Variants in CELF4 observed in about 807,000 individuals in gnomAD.
CELF4 encodes CUG-BP- and ETR-3-like factor 4.
CELF4 carries 18 observed loss-of-function variants against 59.9 expected under a neutral mutation model. The ratio of observed to expected loss-of-function variants is 0.30; its 90% CI spans 0.21 to 0.45. CELF4 has a LOEUF of 0.45. Ranked by LOEUF, CELF4 falls within the 20% of genes least tolerant of loss-of-function variation. The pLI is 1.00. For missense variants in CELF4, 456 were observed against 689.0 expected (o/e 0.66, Z 3.79); for synonymous variants, 261 against 267.1 (o/e 0.98, Z 0.22).
At chr18:37,304,776 A>G (rs866288539) in intron 3 of CELF4, among the ~76,000 whole-genome samples, 19 of 152,242 alleles carry the variant, frequency 1.2e-4, no homozygotes, top group Admixed American at 8.5e-4. Context: ...CGGGGGAAGT[A>G]GAAGCGGAGC....
intron 1 of CELF4, among the ~76,000 whole-genome samples, chr18:37,524,231 G>A (rs1234877035): frequency 1.3e-5 from 2 of 152,248 alleles, no homozygotes; most frequent in Non-Finnish European, 2.9e-5. Context: ...ACCTCGGGGA[G>A]GGAAGGCAGG....
At chr18:37,288,425 C>T (rs1039639991) in intron 3 of CELF4, among the ~76,000 whole-genome samples, 4 of 152,224 alleles carry the variant, frequency 2.6e-5, no homozygotes, top group African/African-American at 9.6e-5. Context: ...GCAGCACACA[C>T]CATGGGCCAA....
chr18:37,353,532 G>A (rs2098503505), intron 2 of CELF4, among the ~76,000 whole-genome samples: 1 of 151,076 alleles, frequency 6.6e-6, no homozygotes, highest in Non-Finnish European at 1.5e-5. Context: ...CATGGGGGAA[G>A]AACTGTGGGG....
intron 3 of CELF4, among the ~76,000 whole-genome samples, chr18:37,310,953 G>A (rs1302609770): frequency 1.3e-5 from 2 of 152,194 alleles, no homozygotes; most frequent in Non-Finnish European, 2.9e-5. Context: ...GATGGGACAC[G>A]AGAAGGCCGT....
chr18:37,358,140 G>C (rs2098633595), intron 2 of CELF4, among the ~76,000 whole-genome samples: 1 of 152,142 alleles, frequency 6.6e-6, no homozygotes, highest in African/African-American at 2.4e-5. Flanking sequence ...GGGGTGGAAT[G>C]ATATGGTTTG....
At chr18:37,552,616 A>G (rs1344765472) in intron 1 of CELF4, among the ~76,000 whole-genome samples, 1 of 152,260 alleles carries the variant, frequency 6.6e-6, no homozygotes, top group Non-Finnish European at 1.5e-5. Flanking sequence ...ACAAGGTCAG[A>G]ACATTCCAAG....
chr18:37,521,904 T>C (rs1448175720), intron 1 of CELF4, among the ~76,000 whole-genome samples: 1 of 152,232 alleles, frequency 6.6e-6, no homozygotes, highest in Non-Finnish European at 1.5e-5. Context: ...AGCTTCCGTC[T>C]TTATTTCTCT....
rs752571983 is a variant in CELF4, at chr18:37,485,528, G to T, written c.366C>A (p.Pro122=). The T allele has an allele frequency of 8.2e-6, 11 of 1,336,114 alleles. No homozygotes were observed. The highest frequency in any genetic ancestry group is 7.8e-6 in the Non-Finnish European group (8 of 1,028,648). The allele number at this position is 1,336,114 out of a possible 1,614,324, so 82.8% of individuals were successfully genotyped here. ...CGCCACGGCGGGCGCCACTTACCCC[G>T]GGCAGAGTCTTCTGCTCGTGCAGCG... The part of the protein sequence containing the change: ...QSALHEQKTL[P]GMNRPIQVKP... Residue 122 remains proline, a synonymous_variant, in exon 2 of 13, where the codon CCC becomes CCA. Coordinates refer to ENST00000420428, the MANE Select transcript of CELF4 (RefSeq NM_020180.4).
intron 1 of CELF4, among the ~76,000 whole-genome samples, chr18:37,505,330 G>A (rs1275945605): frequency 6.6e-6 from 1 of 152,176 alleles, no homozygotes; most frequent in African/African-American, 2.4e-5. Flanking sequence ...CTATTTTCTA[G>A]TTTTGCATCT....
chr18:37,248,211 C>T (rs2063263907), intron 12 of CELF4, among the ~76,000 whole-genome samples: 1 of 152,170 alleles, frequency 6.6e-6, no homozygotes, highest in African/African-American at 2.4e-5. Context: ...GAGCAGGGTT[C>T]ATTTTGAGAT....
intron 2 of CELF4, among the ~76,000 whole-genome samples, chr18:37,447,317 T>G (rs1302372653): frequency 1.3e-5 from 2 of 152,208 alleles, no homozygotes; most frequent in Non-Finnish European, 2.9e-5. Context: ...TGAAGCGGCT[T>G]GAGTGCATTA....
At chr18:37,401,112 G>A (rs1470760139) in intron 2 of CELF4, among the ~76,000 whole-genome samples, 2 of 152,206 alleles carry the variant, frequency 1.3e-5, no homozygotes, top group Non-Finnish European at 2.9e-5. Flanking sequence ...GCCTAGATGG[G>A]GGCCTGGACT....
intron 2 of CELF4, among the ~76,000 whole-genome samples, chr18:37,346,960 C>T (rs962888080): frequency 6.6e-6 from 1 of 151,802 alleles, no homozygotes; most frequent in Non-Finnish European, 1.5e-5. Context: ...ACCTGAGCCT[C>T]TGAGAACAGG....
chr18:37,485,609 TG>T lies in CELF4; in HGVS notation c.287-3del. ...CGCAGTAGGTGAGGAAGGCGCAGCCTGGGGAGGAAAGCAAGCGCCAAGAAGG... is the reference window on the plus strand; with the variant it reads ...CGCAGTAGGTGAGGAAGGCGCAGCCTGGGAGGAAAGCAAGCGCCAAGAAGG... On this transcript the variant is annotated splice_polypyrimidine_tract_variant and splice_region_variant and intron_variant, in intron 1 of 12. Coordinates refer to ENST00000420428, the MANE Select transcript of CELF4 (RefSeq NM_020180.4). The T allele has an allele frequency of 4.2e-6, 6 of 1,444,204 alleles. No individual in the cohort carries two copies. Among genetic ancestry groups the T allele is most frequent in the South Asian group, 2.9e-5 (2 of 68,582 alleles). The allele number at this position is 1,444,204 out of a possible 1,614,324, so 89.5% of individuals were successfully genotyped here. A position where few individuals can be genotyped will look rare whatever the true frequency, so the allele number is the denominator to read the frequency against.
rs189798364 is a variant in CELF4, at chr18:37,392,111, A to G, written c.370-70230T>C. 3.3e-5 allele frequency among the ~76,000 whole-genome samples: 5 copies of G among 152,318 alleles called. No homozygotes were observed. In the East Asian group the frequency reaches 7.7e-4, roughly 23 times the overall value. On this transcript the variant is annotated intron_variant, in intron 2 of 12. Transcript: ENST00000420428. ...ACTTCTGTGACGATGACTCAGCTTC[A>G]CACACCCATATCTGCTCATCACTGT...
intron 2 of CELF4, among the ~76,000 whole-genome samples, chr18:37,451,366 GTGTGTGTATGCTGTATGTGTGCA>G (rs1603641526): frequency 6.7e-6 from 1 of 149,964 alleles, no homozygotes; most frequent in East Asian, 1.9e-4. Flanking sequence ...GTATCTGTGC[GTGTGTGTATGCTGTATGTGTGCA>G]TGTGTCTCTG....
chr18:37,397,614 C>T (rs1452890286), intron 2 of CELF4, among the ~76,000 whole-genome samples: 3 of 152,200 alleles, frequency 2.0e-5, no homozygotes, highest in Non-Finnish European at 4.4e-5. Flanking sequence ...ACTTCCTCTA[C>T]AGCTGCACAA....
intron 3 of CELF4, among the ~76,000 whole-genome samples, chr18:37,280,161 C>T (rs918463363): frequency 1.5e-4 from 23 of 152,138 alleles, no homozygotes; most frequent in South Asian, 8.3e-4. Flanking sequence ...ACCCCACCTG[C>T]GCAGGAGCTG....
intron 9 of CELF4, among the ~76,000 whole-genome samples, chr18:37,265,920 G>T (rs1466282878): frequency 6.6e-6 from 1 of 152,168 alleles, no homozygotes; most frequent in Non-Finnish European, 1.5e-5. Flanking sequence ...GTCCAGGGGT[G>T]ACAGAAAGAG....
Sources: allele counts gnomAD v4.1 joint callset (sites outside exome capture counted in the v4.1 genomes callset), GRCh38; gene constraint gnomAD v4.1.1; transcripts MANE v1.5; gene names NCBI Gene and HGNC (gene_info 2026-07-23, HGNC 2026-07-21).